The following UBE3D variants were observed in gnomAD, a reference collection of about 807,000 sequenced individuals.
The protein encoded by UBE3D is E3 ubiquitin-protein ligase E3D.
Under a neutral mutation model 49.6 loss-of-function variants are expected in UBE3D, and 48 were observed. The ratio of observed to expected loss-of-function variants is 0.97; its 90% CI spans 0.77 to 1.23. The LOEUF is 1.23. Among genes scored for constraint, UBE3D ranks in the 50% most tolerant of loss-of-function variants. UBE3D has a pLI of 0.00. For missense variants in UBE3D, 452 were observed against 468.4 expected (o/e 0.96, Z 0.32); for synonymous variants, 189 against 174.2 (o/e 1.08, Z -0.67).
At chr6:82,884,798 C>T in the UBE3D span, among the ~76,000 whole-genome samples, 769 of 152,190 alleles carry the variant, frequency 5.1e-3, 8 homozygotes, top group African/African-American at 0.017. Context: ...GGGAGGAGGA[C>T]GGGTTCACCA....
intron 3 of UBE3D, among the ~76,000 whole-genome samples, chr6:83,047,148 A>G (rs1167596050): frequency 6.6e-6 from 1 of 152,218 alleles, no homozygotes; most frequent in Non-Finnish European, 1.5e-5. Context: ...TTAAGGGGTT[A>G]AAAACCTTTT....
chr6:82,962,555 T>A (rs1776631187), intron 8 of UBE3D, among the ~76,000 whole-genome samples: 1 of 152,236 alleles, frequency 6.6e-6, no homozygotes, highest in Non-Finnish European at 1.5e-5. Context: ...TCATTTTAGT[T>A]ACCCATGTCT....
chr6:83,047,756 C>T lies in UBE3D; in HGVS notation c.366-3097G>A, dbSNP rs116579974. 4.6e-3 allele frequency among the ~76,000 whole-genome samples: 699 copies of T among 152,028 alleles called. 7 individuals carry two copies. Among genetic ancestry groups the T allele is most frequent in the African/African-American group, 0.016 (661 of 41,484 alleles). On this transcript the variant is annotated intron_variant, in intron 3 of 9. Coordinates refer to ENST00000369747, the MANE Select transcript of UBE3D (RefSeq NM_198920.3). ...AGACAGGAAATACCATTTTCCTGTA[C>T]AGAGGAGGAAAGTGAGGCTCAGAAA...
intron 9 of UBE3D, among the ~76,000 whole-genome samples, chr6:82,904,787 T>C (rs866891820): frequency 6.6e-6 from 1 of 152,212 alleles, no homozygotes; most frequent in African/African-American, 2.4e-5. Context: ...TTTTTTCCTA[T>C]GTTACCCTAA....
intron 8 of UBE3D, among the ~76,000 whole-genome samples, chr6:83,010,061 T>C (rs1349350337): frequency 4.7e-5 from 7 of 150,494 alleles, no homozygotes; most frequent in Non-Finnish European, 1.0e-4. Flanking sequence ...TAGGAGGAGG[T>C]TGGGGAGGGA....
chr6:82,975,470 G>A (rs1777648164), intron 8 of UBE3D, among the ~76,000 whole-genome samples: 1 of 152,172 alleles, frequency 6.6e-6, no homozygotes, highest in Non-Finnish European at 1.5e-5. Flanking sequence ...AGTTGTCAGT[G>A]TAGGCTATGA....
At chr6:82,888,072 CT>C (rs112623774), downstream of UBE3D, among the ~76,000 whole-genome samples, 2,381 of 151,350 alleles carry the variant, frequency 0.016, 63 homozygotes, top group African/African-American at 0.054. Context: ...AAGATTCCAC[CT>C]TTTTTTTTGT....
chr6:82,966,091 G>A (rs1175607000), intron 8 of UBE3D, among the ~76,000 whole-genome samples: 1 of 152,082 alleles, frequency 6.6e-6, no homozygotes. Flanking sequence ...TACAGTTTGA[G>A]TTTGGACTAA....
At chr6:82,908,076 G>A (rs1772232433) in intron 9 of UBE3D, among the ~76,000 whole-genome samples, 1 of 151,988 alleles carries the variant, frequency 6.6e-6, no homozygotes, top group Non-Finnish European at 1.5e-5. Context: ...AAAGTGGGAG[G>A]TCGAGACAAA....
chr6:82,930,762 T>A (rs1307045084), intron 9 of UBE3D, among the ~76,000 whole-genome samples: 1 of 152,102 alleles, frequency 6.6e-6, no homozygotes, highest in African/African-American at 2.4e-5. Flanking sequence ...AGTGGCAAAG[T>A]GTTTAACAGG....
intron 9 of UBE3D, among the ~76,000 whole-genome samples, chr6:82,946,088 T>C (rs928717725): frequency 2.0e-5 from 3 of 152,034 alleles, no homozygotes; most frequent in Non-Finnish European, 4.4e-5. Flanking sequence ...GGGAAGTAAG[T>C]ACATTCAAAG....
chr6:82,932,041 C>T (rs1010964143), intron 9 of UBE3D, among the ~76,000 whole-genome samples: 4 of 152,052 alleles, frequency 2.6e-5, no homozygotes, highest in Admixed American at 6.5e-5. Context: ...GGGGCTTCTC[C>T]TACCTTCACT....
At chr6:82,925,283 C>T (rs1196834444) in intron 9 of UBE3D, among the ~76,000 whole-genome samples, 3 of 152,126 alleles carry the variant, frequency 2.0e-5, no homozygotes, top group Non-Finnish European at 4.4e-5. Context: ...CTTTATGAAG[C>T]CATCTACTGA....
At chr6:82,983,667 C>T (rs954982246) in intron 8 of UBE3D, among the ~76,000 whole-genome samples, 8 of 152,176 alleles carry the variant, frequency 5.3e-5, no homozygotes, top group African/African-American at 1.7e-4. Context: ...TCTCTCACGT[C>T]AAAAACCCAG....
At chr6:82,905,943 A>G (rs1477916673) in intron 9 of UBE3D, among the ~76,000 whole-genome samples, 1 of 152,140 alleles carries the variant, frequency 6.6e-6, no homozygotes, top group Non-Finnish European at 1.5e-5. Flanking sequence ...GTTTCATCCA[A>G]ATCCCTGCCA....
intron 8 of UBE3D, among the ~76,000 whole-genome samples, chr6:82,993,121 GGAGA>G (rs376760223): frequency 2.9e-4 from 44 of 149,810 alleles, no homozygotes; most frequent in South Asian, 6.4e-4. Context: ...GGGTCGGGGG[GGAGA>G]GAGAGAGAGA....
At chr6:82,900,988 G>C (rs1443140914) in intron 9 of UBE3D, among the ~76,000 whole-genome samples, 5 of 152,094 alleles carry the variant, frequency 3.3e-5, no homozygotes, top group Admixed American at 2.0e-4. Context: ...TTAAATACGT[G>C]ATTTATGATT....
intron 8 of UBE3D, among the ~76,000 whole-genome samples, chr6:82,991,560 A>C (rs1349789768): frequency 6.6e-6 from 1 of 152,178 alleles, no homozygotes; most frequent in Non-Finnish European, 1.5e-5. Flanking sequence ...TAAACTATAA[A>C]ATGAAGAATA....
chr6:82,966,663 A>C lies in UBE3D; in HGVS notation c.1011-9213T>G, dbSNP rs1450047489. Reference sequence around the variant, plus strand: ...AGACTCCGTCTCAAAAAAAAAAAAAAAAAAAAAAAACCACTGAATTGTACC... The same window carrying C: ...AGACTCCGTCTCAAAAAAAAAAAAACAAAAAAAAAACCACTGAATTGTACC... On this transcript the variant is annotated intron_variant, in intron 8 of 9. Coordinates refer to ENST00000369747, the MANE Select transcript of UBE3D (RefSeq NM_198920.3). 5.3e-5 allele frequency among the ~76,000 whole-genome samples: 8 copies of C among 151,324 alleles called. 1 individual carries two copies. In the South Asian group the frequency reaches 1.5e-3, roughly 28 times the overall value.
Sources: allele counts gnomAD v4.1 joint callset (sites outside exome capture counted in the v4.1 genomes callset), GRCh38; gene constraint gnomAD v4.1.1; transcripts MANE v1.5; gene names NCBI Gene and HGNC (gene_info 2026-07-23, HGNC 2026-07-21).